The following PKHD1 variants were observed in gnomAD, a reference collection of about 807,000 sequenced individuals.
PKHD1 encodes the protein fibrocystin.
In PKHD1, 291 loss-of-function variants were observed where a neutral mutation model predicts 412.0. The observed-to-expected ratio is 0.71, with a 90% CI of 0.64 to 0.78. The LOEUF is 0.78. Among genes scored for constraint, PKHD1 ranks in the 30% least tolerant of loss-of-function variants. The pLI, the probability that PKHD1 is intolerant of heterozygous loss-of-function variation, is 0.00. For missense variants in PKHD1, 4,825 were observed against 4,950.7 expected (o/e 0.97, Z 0.76); for synonymous variants, 1,777 against 1,821.5 (o/e 0.98, Z 0.62).
chr6:51,790,281 ATGTCTTTTC>A, intron 53 of PKHD1, among the ~76,000 whole-genome samples: 1 of 152,330 alleles, frequency 6.6e-6, no homozygotes, highest in East Asian at 1.9e-4. Flanking sequence ...GACAGGGTAC[ATGTCTTTTC>A]AGCATTTATA....
chr6:51,715,275 G>A (rs1225326267), intron 60 of PKHD1, among the ~76,000 whole-genome samples: 6 of 151,898 alleles, frequency 4.0e-5, no homozygotes, highest in African/African-American at 1.5e-4. Context: ...ACTTGCCCAA[G>A]TTTACAGAGC....
chr6:51,890,003 T>C (rs554847627), intron 43 of PKHD1, among the ~76,000 whole-genome samples: 22 of 152,002 alleles, frequency 1.4e-4, no homozygotes, highest in Non-Finnish European at 2.5e-4. Context: ...ATTTTTTTTT[T>C]CCCTTAGAAG....
At chr6:51,784,178 T>G (rs1792492720) in intron 53 of PKHD1, among the ~76,000 whole-genome samples, 1 of 152,124 alleles carries the variant, frequency 6.6e-6, no homozygotes, top group Non-Finnish European at 1.5e-5. Context: ...CATGAATGAG[T>G]AGCACGGATC....
chr6:51,892,291 C>G (rs529112535), intron 43 of PKHD1, among the ~76,000 whole-genome samples: 1 of 152,202 alleles, frequency 6.6e-6, no homozygotes, highest in Non-Finnish European at 1.5e-5. Context: ...GATGCCAACA[C>G]GACTTCAAAG....
At chr6:51,941,265 T>C (rs1448046965) in intron 36 of PKHD1, among the ~76,000 whole-genome samples, 1 of 73,694 alleles carries the variant, frequency 1.4e-5, no homozygotes, top group Non-Finnish European at 2.4e-5. Context: ...TTTTTTTTTT[T>C]TGAGACGGAG....
At chr6:51,864,303 A>C (rs1034117502) in intron 48 of PKHD1, among the ~76,000 whole-genome samples, 6 of 152,286 alleles carry the variant, frequency 3.9e-5, no homozygotes, top group African/African-American at 1.4e-4. Flanking sequence ...ATTCTTTAAA[A>C]GTTTCACGCA....
intron 60 of PKHD1, among the ~76,000 whole-genome samples, chr6:51,738,129 G>C (rs537056419): frequency 6.6e-6 from 1 of 152,150 alleles, no homozygotes; most frequent in South Asian, 2.1e-4. Flanking sequence ...GCCAGCACGC[G>C]TGGAGCAGCT....
rs559088013 is a variant in PKHD1, at chr6:51,786,057, T to G, written c.8440+5179A>C. 2.6e-5 allele frequency among the ~76,000 whole-genome samples: 4 copies of G among 152,318 alleles called. No homozygotes were observed. The South Asian group carries it at 8.3e-4, about 32-fold the overall frequency. On this transcript the variant is annotated intron_variant, in intron 53 of 66. Coordinates refer to ENST00000371117, the MANE Select transcript of PKHD1 (RefSeq NM_138694.4). ...CTAATTTACTTTTTTAAAAACTCTA[T>G]GAAATACGTACTATTATTATTTCTA...
chr6:51,803,903 T>G (rs1425167805), intron 52 of PKHD1, among the ~76,000 whole-genome samples: 4 of 151,348 alleles, frequency 2.6e-5, no homozygotes, highest in Non-Finnish European at 4.4e-5. Context: ...AGATGGGGTT[T>G]CACCATGTTG....
intron 25 of PKHD1, 29 bp downstream of exon 25, chr6:52,044,937 T>G: frequency 1.2e-6 from 2 of 1,612,388 alleles, no homozygotes; most frequent in Non-Finnish European, 8.5e-7. Flanking sequence ...AACTGGAGCT[T>G]GCACTTAGGG....
rs191927597 is a variant in PKHD1, at chr6:51,806,673, C to G, written c.8303-15300G>C. ...ATCACCAAGACAGAATGAGAAGAAT[C>G]GTTATCTAAAAATAGATGAGGGTTT... is the stretch of plus-strand genomic sequence containing the variant. On this transcript the variant is annotated intron_variant, in intron 52 of 66. Coordinates refer to ENST00000371117, the MANE Select transcript of PKHD1 (RefSeq NM_138694.4). Among the ~76,000 whole-genome samples the G allele has an allele frequency of 7.5e-4, 112 of 148,924 alleles. 1 individual carries two copies. Among genetic ancestry groups the G allele is most frequent in the African/African-American group, 2.3e-3 (95 of 40,542 alleles).
chr6:52,033,809 T>A lies in PKHD1; in HGVS notation c.3229-644A>T, dbSNP rs1048378793. On this transcript the variant is annotated intron_variant, in intron 28 of 66. Transcript: ENST00000371117. ...ATGACTGATACGATGGAACTTTTTT[T>A]AAAAGATATTGGATTTAACTTATAA... Among the ~76,000 whole-genome samples, 66 of 152,198 alleles carry A rather than the reference T, an allele frequency of 4.3e-4. 1 individual carries two copies. Among genetic ancestry groups the A allele is most frequent in the African/African-American group, 1.4e-3 (60 of 41,540 alleles).
intron 64 of PKHD1, among the ~76,000 whole-genome samples, chr6:51,633,272 G>C (rs1315532589): frequency 3.9e-5 from 6 of 152,134 alleles, no homozygotes; most frequent in Admixed American, 3.9e-4. Context: ...ATCCTGTTGA[G>C]AGAGTTCAAC....
At chr6:52,086,943 C>T (rs1380236283) in intron 1 of PKHD1, among the ~76,000 whole-genome samples, 2 of 152,184 alleles carry the variant, frequency 1.3e-5, no homozygotes, top group African/African-American at 4.8e-5. Flanking sequence ...AAAATATACT[C>T]AGCACAGGAG....
chr6:52,035,287 A>C (rs1477982554), intron 28 of PKHD1, among the ~76,000 whole-genome samples: 2 of 152,216 alleles, frequency 1.3e-5, no homozygotes, highest in African/African-American at 4.8e-5. Context: ...CTTGCAAGCC[A>C]ACACCCAGAA....
intron 60 of PKHD1, among the ~76,000 whole-genome samples, chr6:51,683,565 G>T (rs950228551): frequency 1.3e-5 from 2 of 152,010 alleles, no homozygotes; most frequent in African/African-American, 4.8e-5. Flanking sequence ...GTGTACTATG[G>T]TCTGCATATA....
chr6:51,854,789 G>A (rs1278905943), intron 49 of PKHD1, among the ~76,000 whole-genome samples: 2 of 151,754 alleles, frequency 1.3e-5, no homozygotes, highest in African/African-American at 4.9e-5. Context: ...GCTCCAACAG[G>A]GAAAAAACGC....
chr6:51,775,199 TGCTTC>T (rs1266647360), intron 54 of PKHD1, among the ~76,000 whole-genome samples: 8 of 151,880 alleles, frequency 5.3e-5, no homozygotes, highest in African/African-American at 1.7e-4. Context: ...TGAAGAAAAT[TGCTTC>T]ATGCCAAGAG....
intron 43 of PKHD1, among the ~76,000 whole-genome samples, chr6:51,895,123 TC>T (rs1779695754): frequency 6.6e-6 from 1 of 152,212 alleles, no homozygotes; most frequent in Non-Finnish European, 1.5e-5. Context: ...AATATGTTCT[TC>T]AAAGTACTCT....
Sources: allele counts gnomAD v4.1 joint callset (sites outside exome capture counted in the v4.1 genomes callset), GRCh38; gene constraint gnomAD v4.1.1; transcripts MANE v1.5; gene names NCBI Gene and HGNC (gene_info 2026-07-23, HGNC 2026-07-21).